Variants in NECTIN3 observed in about 807,000 individuals in gnomAD.
NECTIN3 encodes the protein nectin cell adhesion molecule 3.
Under a neutral mutation model 49.4 loss-of-function variants are expected in NECTIN3, and 8 were observed. That is an observed-to-expected ratio of 0.16 (90% CI 0.10 to 0.29). NECTIN3 has a LOEUF of 0.29. Ranked by LOEUF, NECTIN3 falls within the 10% of genes least tolerant of loss-of-function variation. NECTIN3 has a pLI of 1.00. For missense variants in NECTIN3, 581 were observed against 654.6 expected, an observed-to-expected ratio of 0.89 and a Z score of 1.23; for synonymous variants, 277 against 241.1, an observed-to-expected ratio of 1.15 and a Z score of -1.38.
At chr3:111,155,587 G>A (rs1382499135) in intron 7 of NECTIN3, among the ~76,000 whole-genome samples, 2 of 152,160 alleles carry the variant, frequency 1.3e-5, no homozygotes, top group African/African-American at 2.4e-5. Flanking sequence ...CAACTAAATT[G>A]TTGTCAGAGA....
At position 111,162,965 on chromosome 3, in the gene NECTIN3, A is replaced by T. The variant is rs150168919; in HGVS notation, c.1221+15481A>T. Among the ~76,000 whole-genome samples, 78 of 152,304 alleles carry T rather than the reference A, an allele frequency of 5.1e-4. 1 individual carries two copies. Among genetic ancestry groups the T allele is most frequent in the Admixed American group, 1.6e-3 (25 of 15,288 alleles). ...ATAGCAACCTAAATTTAGTGGCTTT[A>T]ATGAACAGCAGCCATTCTATTACTC... On this transcript the variant is annotated intron_variant, in intron 7 of 8. Transcript: ENST00000493615.
At chr3:111,076,975 CAAA>C (rs200742608) in intron 1 of NECTIN3, among the ~76,000 whole-genome samples, 1 of 65,844 alleles carries the variant, frequency 1.5e-5, no homozygotes. Context: ...GACTCCGTCT[CAAA>C]AAAAAAAAAA....
chr3:111,096,702 C>G (rs1177263842), intron 1 of NECTIN3, among the ~76,000 whole-genome samples: 2 of 152,154 alleles, frequency 1.3e-5, no homozygotes. Flanking sequence ...AGGTACAGCT[C>G]GGGCTGTTGC....
At chr3:111,149,063 ATGG>A (rs1192021377) in intron 7 of NECTIN3, among the ~76,000 whole-genome samples, 9 of 152,052 alleles carry the variant, frequency 5.9e-5, no homozygotes, top group Admixed American at 1.3e-4. Context: ...ATTTTTCCCA[ATGG>A]GATAACCAGT....
chr3:111,086,553 T>C (rs1361014865), intron 1 of NECTIN3, among the ~76,000 whole-genome samples: 1 of 152,208 alleles, frequency 6.6e-6, no homozygotes, highest in African/African-American at 2.4e-5. Flanking sequence ...ATAAATCAAG[T>C]AGCCATATAT....
At chr3:111,153,702 A>G (rs1467091095) in intron 7 of NECTIN3, among the ~76,000 whole-genome samples, 1 of 152,122 alleles carries the variant, frequency 6.6e-6, no homozygotes, top group African/African-American at 2.4e-5. Context: ...ATTTAAACTT[A>G]GCATATATTT....
chr3:111,135,617 G>A lies in NECTIN3; in HGVS notation c.*1402G>A. 2.1e-6 allele frequency: 2 copies of A among 963,348 alleles called. No homozygotes were observed. The highest frequency in any genetic ancestry group is 2.5e-6 in the Non-Finnish European group (2 of 810,088). The allele number at this position is 963,348 out of a possible 1,614,324, so 59.7% of individuals were successfully genotyped here. Reference sequence around the variant, plus strand: ...GACCATTTTGCCAGTGAAATGAAGTGGAAGTTAGTAGGAGAATCATAAATT... The same window carrying A: ...GACCATTTTGCCAGTGAAATGAAGTAGAAGTTAGTAGGAGAATCATAAATT... On this transcript the variant is annotated 3_prime_UTR_variant, in exon 6 of 6. Transcript: ENST00000485303.
At chr3:111,099,643 T>C (rs1319909238) in intron 1 of NECTIN3, among the ~76,000 whole-genome samples, 1 of 152,186 alleles carries the variant, frequency 6.6e-6, no homozygotes, top group African/African-American at 2.4e-5. Flanking sequence ...TCAGTTGTCT[T>C]AGAGTATCTA....
chr3:111,161,660 CCTTGTGGAA>C (rs1280206432), intron 7 of NECTIN3, among the ~76,000 whole-genome samples: 1 of 152,128 alleles, frequency 6.6e-6, no homozygotes, highest in African/African-American at 2.4e-5. Context: ...GTTGCATGCT[CCTTGTGGAA>C]CAGTTTCATC....
At chr3:111,113,441 T>G (rs1166681475) in intron 2 of NECTIN3, among the ~76,000 whole-genome samples, 2 of 152,176 alleles carry the variant, frequency 1.3e-5, no homozygotes, top group African/African-American at 4.8e-5. Context: ...TAATAGCTCC[T>G]AATGTTTAAG....
Position 111,112,386 on chromosome 3 carries a change from A to G in NECTIN3, c.502+15A>G. The G allele has an allele frequency of 6.9e-7, 1 of 1,458,286 alleles. No individual in the cohort carries two copies. The highest frequency in any genetic ancestry group is 9.3e-7 in the Non-Finnish European group (1 of 1,078,048). The allele number at this position is 1,458,286 out of a possible 1,614,324, so 90.3% of individuals were successfully genotyped here. ...AACTGTGTTAGGTAGGTATGCTTGAATTATGTATTTTGGTGATAGTGGTGA... is the reference window on the plus strand; with the variant it reads ...AACTGTGTTAGGTAGGTATGCTTGAGTTATGTATTTTGGTGATAGTGGTGA... On this transcript the variant is annotated intron_variant, in intron 2 of 5. Transcript: ENST00000485303.
chr3:111,091,612 C>T (rs1024373879), intron 1 of NECTIN3, among the ~76,000 whole-genome samples: 2 of 152,064 alleles, frequency 1.3e-5, no homozygotes, highest in Admixed American at 6.5e-5. Flanking sequence ...CAAAGTTCAT[C>T]AATGTTGTTG....
rs547715200 is a variant in NECTIN3 at position 111,167,182 on chromosome 3, T to TTAA, written c.1221+19698_1221+19699insTAA. On this transcript the variant is annotated intron_variant, in intron 7 of 8. Coordinates refer to the NECTIN3 transcript ENST00000493615. ...TGAATTTTTGCAATGAGTCAAAAGA[T>TTAA]ATTTAAAGAGATAACTCTACATCTG... Among the ~76,000 whole-genome samples, 470 of 152,324 alleles carry TTAA rather than the reference T, an allele frequency of 3.1e-3. 2 individuals carry two copies. Among genetic ancestry groups the TTAA allele is most frequent in the African/African-American group, 0.011 (444 of 41,572 alleles).
intron 1 of NECTIN3, among the ~76,000 whole-genome samples, chr3:111,109,250 G>A (rs1311628968): frequency 6.6e-6 from 1 of 152,012 alleles, no homozygotes; most frequent in Non-Finnish European, 1.5e-5. Context: ...TACCTTTGAG[G>A]TCAGAGCTTC....
chr3:111,100,505 C>G (rs1235932338), intron 1 of NECTIN3, among the ~76,000 whole-genome samples: 1 of 151,938 alleles, frequency 6.6e-6, no homozygotes, highest in East Asian at 1.9e-4. Flanking sequence ...GGCTTTAGTC[C>G]TATTCCCAAG....
chr3:111,182,518 C>T (rs2035645630), intron 7 of NECTIN3, among the ~76,000 whole-genome samples: 3 of 152,070 alleles, frequency 2.0e-5, no homozygotes, highest in Admixed American at 2.0e-4. Flanking sequence ...TGGATATGTA[C>T]ACATGTAGGA....
At chr3:111,087,916 T>C (rs904199540) in intron 1 of NECTIN3, among the ~76,000 whole-genome samples, 1 of 152,006 alleles carries the variant, frequency 6.6e-6, no homozygotes, top group Non-Finnish European at 1.5e-5. Context: ...CAGGCTTGTC[T>C]TGAACTCCTG....
At chr3:111,193,122 T>C in intron 1 of NECTIN3, 1 of 1,284,948 alleles carries the variant, frequency 7.8e-7, no homozygotes, top group Non-Finnish European at 1.1e-6. Context: ...TAGTGAATTC[T>C]ATTCTTGCCT....
intron 2 of NECTIN3, among the ~76,000 whole-genome samples, chr3:111,118,282 A>ATATATT (rs1491349818): frequency 2.3e-5 from 3 of 131,678 alleles, no homozygotes; most frequent in Non-Finnish European, 5.0e-5. Flanking sequence ...ATATATATAT[A>ATATATT]TTATACATAT....
Sources: gnomAD v4.1 joint callset for allele counts (sites outside exome capture counted in the v4.1 genomes callset) on GRCh38, gnomAD v4.1.1 for gene constraint, MANE v1.5 for transcripts, NCBI Gene and HGNC (gene_info 2026-07-23, HGNC 2026-07-21) for gene names.